The following SLC1A1 variants were observed in gnomAD, a reference collection of about 807,000 sequenced individuals.
SLC1A1 encodes excitatory amino acid transporter 3.
A neutral mutation model predicts 53.3 loss-of-function variants in SLC1A1; 43 were observed. The ratio of observed to expected loss-of-function variants is 0.81; its 90% CI spans 0.63 to 1.04. The LOEUF is 1.04. Among genes scored for constraint, SLC1A1 ranks in the 50% least tolerant of loss-of-function variants. The pLI is 0.00. For missense variants in SLC1A1, 748 were observed against 664.9 expected (o/e 1.12, Z -1.37); for synonymous variants, 307 against 243.2 (o/e 1.26, Z -2.44).
At chr9:4,502,938 G>A (rs1255766737) in intron 1 of SLC1A1, among the ~76,000 whole-genome samples, 1 of 151,598 alleles carries the variant, frequency 6.6e-6, no homozygotes, top group Non-Finnish European at 1.5e-5. Flanking sequence ...TTGAATTCTA[G>A]TGAAACTCAT....
In SLC1A1 at chr9:4,556,862, T is replaced by C. The variant is rs576945827; in HGVS notation, c.233-4587T>C. 2.1e-4 allele frequency among the ~76,000 whole-genome samples: 32 copies of C among 152,020 alleles called. No homozygotes were observed. Among genetic ancestry groups the C allele is most frequent in the Non-Finnish European group, 3.8e-4 (26 of 67,996 alleles). Reference sequence around the variant, plus strand: ...ATATAACCAGATATACAGTTTGCGGTTTTAGAATTTCAGAGGGGTGGTGAT... The same window carrying C: ...ATATAACCAGATATACAGTTTGCGGCTTTAGAATTTCAGAGGGGTGGTGAT... On this transcript the variant is annotated intron_variant, in intron 2 of 11. Transcript: ENST00000262352. This position sits in a 1 kb window ranked among gnomAD's most constrained non-coding sequence, Gnocchi z 4.1.
intron 1 of SLC1A1, among the ~76,000 whole-genome samples, chr9:4,529,480 G>A (rs1267130644): frequency 6.6e-6 from 1 of 152,142 alleles, no homozygotes; most frequent in East Asian, 1.9e-4. Context: ...AAGGGCAGGG[G>A]ACATGCATCC....
intron 1 of SLC1A1, among the ~76,000 whole-genome samples, chr9:4,535,733 A>C (rs1050919622): frequency 3.9e-5 from 6 of 152,114 alleles, no homozygotes; most frequent in African/African-American, 1.4e-4. Context: ...GGAACCAAAA[A>C]AGAGCCCACA....
At chr9:4,555,003 G>A (rs937674543) in intron 2 of SLC1A1, among the ~76,000 whole-genome samples, 1 of 152,218 alleles carries the variant, frequency 6.6e-6, no homozygotes, top group African/African-American at 2.4e-5. Context: ...CCTCACAACA[G>A]CTACGCAAGC....
At chr9:4,542,244 A>G (rs1168673210) in intron 1 of SLC1A1, among the ~76,000 whole-genome samples, 3 of 152,192 alleles carry the variant, frequency 2.0e-5, no homozygotes, top group Non-Finnish European at 4.4e-5. Flanking sequence ...GTGGCACTCA[A>G]TTTCAAGAAC....
At chr9:4,561,874 T>TA (rs1369594854) in intron 3 of SLC1A1, among the ~76,000 whole-genome samples, 7 of 152,126 alleles carry the variant, frequency 4.6e-5, no homozygotes, top group African/African-American at 1.4e-4. Flanking sequence ...CTTTCTGATT[T>TA]TAAAAAATTG....
intron 2 of SLC1A1, among the ~76,000 whole-genome samples, chr9:4,551,667 G>A (rs1817941949): frequency 1.3e-5 from 2 of 152,148 alleles, no homozygotes; most frequent in African/African-American, 4.8e-5. Context: ...TGCCATTCAA[G>A]GTGGTTTATA....
At chr9:4,561,693 A>C (rs1404894194) in intron 3 of SLC1A1, 152 bp downstream of exon 3, 8 of 699,974 alleles carry the variant, frequency 1.1e-5, no homozygotes, top group Admixed American at 4.1e-5. Flanking sequence ...GGGGTTTGAG[A>C]CCAGCCTGGC....
chr9:4,581,285 A>C (rs1821074290), intron 10 of SLC1A1, among the ~76,000 whole-genome samples: 1 of 152,242 alleles, frequency 6.6e-6, no homozygotes, highest in African/African-American at 2.4e-5. Flanking sequence ...AGTGTGAGGA[A>C]AGAACTTTGT....
intron 2 of SLC1A1, among the ~76,000 whole-genome samples, chr9:4,547,419 C>A (rs955503087): frequency 6.6e-6 from 1 of 152,126 alleles, no homozygotes; most frequent in Non-Finnish European, 1.5e-5. Context: ...TGATTTGGAG[C>A]AATGAAATAG....
Position 4,511,404 on chromosome 9 carries a change from C to T in SLC1A1, c.91+20634C>T, listed in dbSNP as rs1195212778. On this transcript the variant is annotated intron_variant, in intron 1 of 11. Coordinates refer to ENST00000262352, the MANE Select transcript of SLC1A1 (RefSeq NM_004170.6). Reference sequence around the variant, plus strand: ...GGCACTAATCCCATTCAGGAGGGCTCTCCCCTCACGACCTAATCACCTCTC... The same window carrying T: ...GGCACTAATCCCATTCAGGAGGGCTTTCCCCTCACGACCTAATCACCTCTC... Among the ~76,000 whole-genome samples, 5 of 152,092 alleles carry T rather than the reference C, an allele frequency of 3.3e-5. No homozygotes were observed. In the East Asian group the frequency reaches 7.7e-4, roughly 23 times the overall value.
intron 7 of SLC1A1, 112 bp downstream of exon 7, chr9:4,572,500 A>T (rs1255693625): frequency 1.0e-6 from 1 of 962,418 alleles, no homozygotes; most frequent in East Asian, 2.4e-5. Context: ...GAAGTTGGAC[A>T]TTTAATATTG....
intron 1 of SLC1A1, among the ~76,000 whole-genome samples, chr9:4,506,012 G>C (rs979264980): frequency 6.6e-6 from 1 of 152,174 alleles, no homozygotes; most frequent in African/African-American, 2.4e-5. Context: ...TTTTAGTAGA[G>C]AGGGGGTTTC....
chr9:4,534,885 A>G (rs1816615384), intron 1 of SLC1A1, among the ~76,000 whole-genome samples: 1 of 152,208 alleles, frequency 6.6e-6, no homozygotes, highest in South Asian at 2.1e-4. Context: ...CATCCCTGGG[A>G]TGCAAGGCTG....
intron 1 of SLC1A1, among the ~76,000 whole-genome samples, chr9:4,515,127 G>A (rs1821122054): frequency 6.6e-6 from 1 of 151,726 alleles, no homozygotes; most frequent in South Asian, 2.1e-4. Flanking sequence ...CTTCAAGGCA[G>A]CTGGACTTCT....
chr9:4,561,429 G>C lies in SLC1A1; in HGVS notation c.233-20G>C. ...CTGTCTTTTAAAATTAATGTAATTTGATTTCTGTCTCCCCTTCAGGTGTTG... is the reference window on the plus strand; with the variant it reads ...CTGTCTTTTAAAATTAATGTAATTTCATTTCTGTCTCCCCTTCAGGTGTTG... On this transcript the variant is annotated intron_variant, in intron 2 of 11. Coordinates refer to ENST00000262352, the MANE Select transcript of SLC1A1 (RefSeq NM_004170.6). The C allele has an allele frequency of 6.9e-7, 1 of 1,443,616 alleles. No individual in the cohort carries two copies. The highest frequency in any genetic ancestry group is 9.8e-7 in the Non-Finnish European group (1 of 1,024,608). The allele number at this position is 1,443,616 out of a possible 1,614,324, so 89.4% of individuals were successfully genotyped here. A position where few individuals can be genotyped will look rare whatever the true frequency, so the allele number is the denominator to read the frequency against.
chr9:4,583,167 G>T lies in SLC1A1; in HGVS notation c.1323G>T (p.Trp441Cys), dbSNP rs765778286. 6.2e-7 allele frequency: 1 copy of T among 1,614,222 alleles called. No individual in the cohort carries two copies. Among genetic ancestry groups the T allele is most frequent in the Non-Finnish European group, 8.5e-7 (1 of 1,180,038 alleles). ...EDVTLIIAVD[W>C]LLDRFRTMVN... ...TCACCCTGATCATTGCTGTCGACTG[G>T]CTCCTGTGAGTTGGAATAAATGCAC... Residue 441 changes from tryptophan to cysteine, a missense_variant, in exon 11 of 12, where the codon TGG becomes TGT. Physicochemically the swap from Trp to Cys is radical, Grantham distance 215. Transcript: ENST00000262352. The surrounding 1 kb of genome is among the most constrained non-coding windows in gnomAD (Gnocchi z 4.6).
At chr9:4,578,611 G>A (rs1181201015) in intron 10 of SLC1A1, among the ~76,000 whole-genome samples, 1 of 152,188 alleles carries the variant, frequency 6.6e-6, no homozygotes, top group Admixed American at 6.5e-5. Context: ...ATTTTCAAGG[G>A]TGAAATGGTC....
rs766604456 is a variant in SLC1A1 at position 4,573,877 on chromosome 9, A to G, written c.768-30A>G. ...AGCATGAGAAAGCACTTGATGACGG[A>G]ATCACGCCTCTGTTGTGCTTCCTTT... On this transcript the variant is annotated intron_variant, in intron 7 of 11. Coordinates refer to ENST00000262352, the MANE Select transcript of SLC1A1 (RefSeq NM_004170.6). The G allele has an allele frequency of 2.1e-6, 3 of 1,454,752 alleles. No individual in the cohort carries two copies. The East Asian group carries it at 6.8e-5, about 33-fold the overall frequency. The allele number at this position is 1,454,752 out of a possible 1,614,324, so 90.1% of individuals were successfully genotyped here. A position where few individuals can be genotyped will look rare whatever the true frequency, so the allele number is the denominator to read the frequency against.
Sources: gnomAD v4.1 joint callset for allele counts (sites outside exome capture counted in the v4.1 genomes callset) on GRCh38, gnomAD v4.1.1 for gene constraint, Gnocchi (gnomAD v3.1) non-coding constraint, MANE v1.5 for transcripts, NCBI Gene and HGNC (gene_info 2026-07-23, HGNC 2026-07-21) for gene names.